Variants in KCNH7 observed in about 807,000 individuals in gnomAD.
KCNH7 encodes potassium voltage-gated channel subfamily H member 7.
Under a neutral mutation model 120.8 loss-of-function variants are expected in KCNH7, and 49 were observed. The observed-to-expected ratio is 0.41, with a 90% CI of 0.32 to 0.51. The LOEUF (loss-of-function observed/expected upper bound fraction) is 0.51, where lower values mean the gene tolerates loss of function less well. Ranked by LOEUF, KCNH7 falls within the 20% of genes least tolerant of loss-of-function variation. KCNH7 has a pLI of 0.38. For missense variants in KCNH7, 1,097 were observed against 1,446.6 expected, an observed-to-expected ratio of 0.76 and a Z score of 3.92; for synonymous variants, 547 against 516.1, an observed-to-expected ratio of 1.06 and a Z score of -0.81.
At chr2:162,497,918 G>T (rs1690549015) in intron 6 of KCNH7, among the ~76,000 whole-genome samples, 1 of 151,930 alleles carries the variant, frequency 6.6e-6, no homozygotes, top group Admixed American at 6.6e-5. Flanking sequence ...CTAAATGTTG[G>T]GAATCTATTA....
chr2:162,458,862 T>G (rs1398531881), intron 6 of KCNH7, among the ~76,000 whole-genome samples: 3 of 151,724 alleles, frequency 2.0e-5, no homozygotes, highest in Admixed American at 6.6e-5. Context: ...AACAATTAGT[T>G]GGGCGTGATG....
intron 2 of KCNH7, among the ~76,000 whole-genome samples, chr2:162,814,441 G>A (rs1684845884): frequency 6.6e-6 from 1 of 152,158 alleles, no homozygotes. Context: ...GGTGTGGAAG[G>A]CAAAATAGGC....
chr2:162,392,292 G>A (rs571490628), intron 12 of KCNH7, among the ~76,000 whole-genome samples: 31 of 151,272 alleles, frequency 2.0e-4, no homozygotes, highest in Non-Finnish European at 3.5e-4. Context: ...GTGTGTGTGC[G>A]CATGTGTGTG....
Position 162,381,173 on chromosome 2 carries a change from A to C in KCNH7, c.2963-1152T>G, listed in dbSNP as rs1207673954. ...CTAAAACTGGTGTTCATTTTCACAGAGAAAGAGATTTGAATTACAGAAAGT... is the reference window on the plus strand; with the variant it reads ...CTAAAACTGGTGTTCATTTTCACAGCGAAAGAGATTTGAATTACAGAAAGT... On this transcript the variant is annotated intron_variant, in intron 13 of 15. Coordinates refer to ENST00000332142, the MANE Select transcript of KCNH7 (RefSeq NM_033272.4). 3.3e-5 allele frequency among the ~76,000 whole-genome samples: 5 copies of C among 152,094 alleles called. 1 individual carries two copies. Among genetic ancestry groups the C allele is most frequent in the African/African-American group, 9.7e-5 (4 of 41,424 alleles).
At chr2:162,456,024 A>T (rs1161449107) in intron 6 of KCNH7, among the ~76,000 whole-genome samples, 9 of 151,828 alleles carry the variant, frequency 5.9e-5, no homozygotes, top group African/African-American at 1.2e-4. Flanking sequence ...TTTAATTGTG[A>T]TGTTAGGGTG....
At chr2:162,479,657 T>C (rs1479739579) in intron 6 of KCNH7, among the ~76,000 whole-genome samples, 1 of 146,624 alleles carries the variant, frequency 6.8e-6, no homozygotes, top group East Asian at 2.1e-4. Flanking sequence ...CATTAGGAAA[T>C]TGTGTGTGTG....
At chr2:162,474,179 C>G (rs541623481) in intron 6 of KCNH7, among the ~76,000 whole-genome samples, 4 of 152,316 alleles carry the variant, frequency 2.6e-5, no homozygotes, top group Admixed American at 2.6e-4. Context: ...GGTTAGCAAA[C>G]TTTCCCAGGG....
chr2:162,587,536 TAA>T (rs1285424325), intron 2 of KCNH7, among the ~76,000 whole-genome samples: 1 of 152,052 alleles, frequency 6.6e-6, no homozygotes, highest in African/African-American at 2.4e-5. Flanking sequence ...TAAAAAAATA[TAA>T]GATAGCAGAA....
At chr2:162,595,012 T>C in intron 2 of KCNH7, among the ~76,000 whole-genome samples, 1 of 152,050 alleles carries the variant, frequency 6.6e-6, no homozygotes, top group East Asian at 1.9e-4. Context: ...TGAATGTGTG[T>C]ATTAGCCCAT....
intron 2 of KCNH7, among the ~76,000 whole-genome samples, chr2:162,754,162 A>T (rs1456597518): frequency 6.6e-6 from 1 of 152,092 alleles, no homozygotes; most frequent in East Asian, 1.9e-4. Context: ...TAACACAATG[A>T]CTTTCATAAT....
chr2:162,683,871 A>G (rs932503014), intron 2 of KCNH7, among the ~76,000 whole-genome samples: 1 of 152,246 alleles, frequency 6.6e-6, no homozygotes. Context: ...GAACCAAAAA[A>G]GAGCCTGTAT....
chr2:162,516,491 T>G (rs746004488), intron 4 of KCNH7, among the ~76,000 whole-genome samples: 1 of 151,516 alleles, frequency 6.6e-6, no homozygotes, highest in Non-Finnish European at 1.5e-5. Flanking sequence ...TAGAATAGAG[T>G]ATGTAATAGG....
chr2:162,722,810 T>TTC (rs1363519826), intron 2 of KCNH7, among the ~76,000 whole-genome samples: 119 of 139,600 alleles, frequency 8.5e-4, no homozygotes, highest in African/African-American at 3.0e-3. Context: ...TCATTCTTTT[T>TTC]TTCTTTTTTT....
intron 2 of KCNH7, among the ~76,000 whole-genome samples, chr2:162,606,951 T>C (rs76660391): frequency 6.6e-6 from 1 of 152,062 alleles, no homozygotes. Context: ...ATGTTTATAG[T>C]TGGGAATGTT....
At chr2:162,663,449 G>A (rs1041600286) in intron 2 of KCNH7, among the ~76,000 whole-genome samples, 1 of 152,040 alleles carries the variant, frequency 6.6e-6, no homozygotes, top group Admixed American at 6.5e-5. Flanking sequence ...AATTCAAGTT[G>A]AATTTCTCTT....
chr2:162,577,057 A>C (rs1693693937), intron 2 of KCNH7, among the ~76,000 whole-genome samples: 1 of 151,860 alleles, frequency 6.6e-6, no homozygotes, highest in African/African-American at 2.4e-5. Context: ...CTGGGACTAT[A>C]GGTGCACACC....
chr2:162,517,598 G>T, intron 4 of KCNH7, 132 bp downstream of exon 4: 1 of 750,140 alleles, frequency 1.3e-6, no homozygotes, highest in Non-Finnish European at 2.1e-6. Flanking sequence ...GTAGGACTCA[G>T]GTTTTTAATA....
At chr2:162,699,979 T>C (rs1012183566) in intron 2 of KCNH7, among the ~76,000 whole-genome samples, 1 of 152,164 alleles carries the variant, frequency 6.6e-6, no homozygotes, top group East Asian at 1.9e-4. Context: ...AATTACTTTT[T>C]TTTTCATTAA....
At chr2:162,658,517 T>C (rs528944262) in intron 2 of KCNH7, among the ~76,000 whole-genome samples, 17 of 152,278 alleles carry the variant, frequency 1.1e-4, no homozygotes, top group African/African-American at 3.9e-4. Flanking sequence ...AGTTTGTTGA[T>C]ATTTATATCA....
Sources: gnomAD v4.1 joint callset for allele counts (sites outside exome capture counted in the v4.1 genomes callset) on GRCh38, gnomAD v4.1.1 for gene constraint, MANE v1.5 for transcripts, NCBI Gene and HGNC (gene_info 2026-07-23, HGNC 2026-07-21) for gene names.